SUPT16H: variants seen among roughly 807,000 people sequenced by gnomAD.
The protein encoded by SUPT16H is SPT16 homolog, facilitates chromatin remodeling subunit, also known as FACT complex subunit SPT16.
SUPT16H carries 24 observed loss-of-function variants against 136.2 expected under a neutral mutation model. The observed-to-expected ratio is 0.18, with a 90% CI of 0.13 to 0.25. The LOEUF (loss-of-function observed/expected upper bound fraction) is 0.25, where lower values mean the gene tolerates loss of function less well. Ranked by LOEUF, SUPT16H falls within the 10% of genes least tolerant of loss-of-function variation. The pLI is 1.00. For synonymous variants in SUPT16H, 415 were observed against 428.2 expected, an observed-to-expected ratio of 0.97 and a Z score of 0.38; for missense variants, 623 against 1,270.2, an observed-to-expected ratio of 0.49 and a Z score of 7.74.
intron 15 of SUPT16H, among the ~76,000 whole-genome samples, chr14:21,361,907 C>T (rs751755359): frequency 8.6e-5 from 13 of 152,032 alleles, no homozygotes; most frequent in Admixed American, 3.3e-4. Context: ...AGCTGGATGA[C>T]GGGTGCACAC....
intron 22 of SUPT16H, among the ~76,000 whole-genome samples, 166 bp downstream of exon 22, chr14:21,357,031 G>A (rs1273072481): frequency 6.6e-6 from 1 of 152,210 alleles, no homozygotes; most frequent in Non-Finnish European, 1.5e-5. Flanking sequence ...AAAGTGAACA[G>A]CTCCGTTATC....
At chr14:21,375,321 G>A (rs1022466711) in intron 1 of SUPT16H, among the ~76,000 whole-genome samples, 5 of 152,080 alleles carry the variant, frequency 3.3e-5, no homozygotes, top group Non-Finnish European at 5.9e-5. Flanking sequence ...GGCCCTCACT[G>A]TAGTTTTGAT....
Position 21,358,017 on chromosome 14 carries a change from C to T in SUPT16H, c.2415-15G>A. 6.2e-7 allele frequency: 1 copy of T among 1,610,500 alleles called. No individual in the cohort carries two copies. Among genetic ancestry groups the T allele is most frequent in the East Asian group, 2.2e-5 (1 of 44,828 alleles). The stretch of plus-strand genomic sequence containing the variant: ...CTCCGTTAAATCTGGAAGAGACAAA[C>T]TTTTAAGACTGAGCTCATCACGAGA... On this transcript the variant is annotated splice_polypyrimidine_tract_variant and intron_variant, in intron 20 of 25. Transcript: ENST00000216297.
chr14:21,362,130 T>C (rs1460473799), intron 15 of SUPT16H, 67 bp downstream of exon 15: 21 of 1,540,678 alleles, frequency 1.4e-5, no homozygotes, highest in Middle Eastern at 2.4e-4. Flanking sequence ...GCACAGACAA[T>C]GAAATGTTTC....
chr14:21,366,007 T>C (rs1158585696), intron 8 of SUPT16H, among the ~76,000 whole-genome samples: 1 of 151,980 alleles, frequency 6.6e-6, no homozygotes, highest in Non-Finnish European at 1.5e-5. Context: ...GGAGCTGAGA[T>C]GGGAGGATTG....
At chr14:21,355,194 A>C (rs1214760032) in intron 22 of SUPT16H, among the ~76,000 whole-genome samples, 1 of 150,664 alleles carries the variant, frequency 6.6e-6, no homozygotes, top group Non-Finnish European at 1.5e-5. Flanking sequence ...ATTGTAGTTA[A>C]GAAATAGGGA....
intron 1 of SUPT16H, among the ~76,000 whole-genome samples, chr14:21,378,634 G>C (rs898161663): frequency 6.6e-6 from 1 of 152,168 alleles, no homozygotes; most frequent in Admixed American, 6.5e-5. Flanking sequence ...AGGAGGTAGG[G>C]AAGTTGGAAT....
chr14:21,368,574 A>G, intron 6 of SUPT16H, 133 bp from the exon 7 acceptor site: 1 of 1,021,736 alleles, frequency 9.8e-7, no homozygotes, highest in African/African-American at 1.7e-5. Flanking sequence ...AAGGACCTAA[A>G]CTTTTTTGTG....
chr14:21,361,236 A>G (rs1464553057), intron 15 of SUPT16H, 23 bp from the exon 16 acceptor site: 1 of 1,610,496 alleles, frequency 6.2e-7, no homozygotes, highest in African/African-American at 1.3e-5. Context: ...AACAGCATTT[A>G]TAGACATTTC....
At chr14:21,361,051 G>C (rs1180812546) in intron 16 of SUPT16H, 27 bp downstream of exon 16, 3 of 1,611,782 alleles carry the variant, frequency 1.9e-6, no homozygotes, top group Non-Finnish European at 1.7e-6. Flanking sequence ...CTTTGTGTAA[G>C]AATGTTTTGC....
chr14:21,371,784 G>A, intron 3 of SUPT16H, 90 bp downstream of exon 3: 1 of 1,477,638 alleles, frequency 6.8e-7, no homozygotes, highest in South Asian at 1.2e-5. Context: ...AATTTCCCCT[G>A]CGCATTCTTT....
At chr14:21,358,647 C>T (rs553220906) in intron 19 of SUPT16H, among the ~76,000 whole-genome samples, 8 of 152,280 alleles carry the variant, frequency 5.3e-5, no homozygotes, top group Non-Finnish European at 8.8e-5. Flanking sequence ...TTCATTCTCT[C>T]GTAACTATAA....
chr14:21,380,296 A>ATTTCTTTTTTT (rs1555311138), intron 1 of SUPT16H, among the ~76,000 whole-genome samples: 7 of 112,032 alleles, frequency 6.2e-5, no homozygotes, highest in African/African-American at 2.2e-4. Context: ...GGAAGACTGA[A>ATTTCTTTTTTT]TTTTTTTTTT....
intron 3 of SUPT16H, among the ~76,000 whole-genome samples, chr14:21,371,471 A>G (rs970338516): frequency 5.3e-5 from 8 of 152,230 alleles, no homozygotes; most frequent in African/African-American, 1.9e-4. Context: ...ATAAGTGAAC[A>G]ATATTCTGAG....
intron 1 of SUPT16H, among the ~76,000 whole-genome samples, chr14:21,382,218 G>A (rs373045231): frequency 1.3e-5 from 2 of 152,276 alleles, no homozygotes; most frequent in Non-Finnish European, 2.9e-5. Context: ...TTGTTAACTG[G>A]TACATTTTTA....
chr14:21,373,261 A>C, intron 2 of SUPT16H, 77 bp downstream of exon 2: 1 of 1,190,038 alleles, frequency 8.4e-7, no homozygotes, highest in Non-Finnish European at 1.2e-6. Flanking sequence ...TTTAAGTTTT[A>C]ATGTGGCTAC....
intron 4 of SUPT16H, 25 bp downstream of exon 4, chr14:21,370,311 T>C (rs908711557): frequency 6.2e-7 from 1 of 1,604,652 alleles, no homozygotes; most frequent in Non-Finnish European, 8.5e-7. Flanking sequence ...AACTCTTGAT[T>C]TGCTATTTCC....
intron 1 of SUPT16H, among the ~76,000 whole-genome samples, chr14:21,378,352 T>C (rs1173652397): frequency 1.3e-5 from 2 of 152,044 alleles, no homozygotes; most frequent in Non-Finnish European, 2.9e-5. Context: ...AATAAAAAAC[T>C]GTAGAAAAAA....
chr14:21,353,655 T>C, intron 24 of SUPT16H, 48 bp downstream of exon 24: 1 of 1,604,216 alleles, frequency 6.2e-7, no homozygotes, highest in Non-Finnish European at 8.5e-7. Flanking sequence ...TTTTCAGAAA[T>C]GACATTAGAT....
Sources: allele counts gnomAD v4.1 joint callset (sites outside exome capture counted in the v4.1 genomes callset), GRCh38; gene constraint gnomAD v4.1.1; transcripts MANE v1.5; gene names NCBI Gene and HGNC (gene_info 2026-07-23, HGNC 2026-07-21).